Variants in PLEKHM3 observed in about 807,000 individuals in gnomAD.
PLEKHM3 encodes pleckstrin homology domain containing M3, also known as pleckstrin homology domain-containing family M member 3.
In PLEKHM3, 45 loss-of-function variants were observed where a neutral mutation model predicts 81.8. The observed-to-expected ratio is 0.55, with a 90% CI of 0.43 to 0.71. PLEKHM3 has a LOEUF of 0.71. Ranked by LOEUF, PLEKHM3 falls within the 30% of genes least tolerant of loss-of-function variation. The pLI, the probability that PLEKHM3 is intolerant of heterozygous loss-of-function variation, is 0.00. For synonymous variants in PLEKHM3, 352 were observed against 356.4 expected, an observed-to-expected ratio of 0.99 and a Z score of 0.14; for missense variants, 788 against 924.3, an observed-to-expected ratio of 0.85 and a Z score of 1.91.
At chr2:207,836,486 G>C (rs2092320338) in intron 7 of PLEKHM3, among the ~76,000 whole-genome samples, 1 of 152,160 alleles carries the variant, frequency 6.6e-6, no homozygotes, top group Non-Finnish European at 1.5e-5. Context: ...TCTTATTGTA[G>C]TTATTGAAAC....
At chr2:207,930,014 C>T in intron 5 of PLEKHM3, 1 of 654,066 alleles carries the variant, frequency 1.5e-6, no homozygotes, top group East Asian at 2.8e-5. Context: ...CAAGTATAAG[C>T]TAGTTTGTAT....
At chr2:207,835,044 G>T (rs546276674) in intron 7 of PLEKHM3, among the ~76,000 whole-genome samples, 16 of 151,426 alleles carry the variant, frequency 1.1e-4, no homozygotes, top group African/African-American at 3.4e-4. Flanking sequence ...GGTTTCGAGT[G>T]ATTCTCTTGC....
intron 3 of PLEKHM3, among the ~76,000 whole-genome samples, chr2:207,951,801 AGTT>A (rs1439851907): frequency 6.6e-6 from 1 of 152,220 alleles, no homozygotes; most frequent in African/African-American, 2.4e-5. Context: ...AACTGGCTGC[AGTT>A]GTTGTTACTG....
intron 7 of PLEKHM3, among the ~76,000 whole-genome samples, chr2:207,858,634 C>G (rs1048522933): frequency 6.6e-6 from 1 of 151,992 alleles, no homozygotes; most frequent in African/African-American, 2.4e-5. Flanking sequence ...GAATTTGCCA[C>G]CACGTCCAGC....
intron 4 of PLEKHM3, among the ~76,000 whole-genome samples, chr2:207,934,268 T>C (rs911354837): frequency 6.6e-6 from 1 of 152,048 alleles, no homozygotes; most frequent in Non-Finnish European, 1.5e-5. Context: ...AACCAAACTA[T>C]GAAAAACCTA....
At chr2:207,949,241 A>G (rs1690249450) in intron 3 of PLEKHM3, among the ~76,000 whole-genome samples, 1 of 152,222 alleles carries the variant, frequency 6.6e-6, no homozygotes. Flanking sequence ...TATATTACCC[A>G]TGTTCACATA....
rs1340756341 is a variant in PLEKHM3, at chr2:207,985,720, C to G, written c.611-8134G>C. Among the ~76,000 whole-genome samples, 4 of 152,188 alleles carry G rather than the reference C, an allele frequency of 2.6e-5. No individual in the cohort carries two copies. In the South Asian group the frequency reaches 6.2e-4, roughly 24 times the overall value. ...CATGTTCTGGCCGGGTGCGGTGTGG[C>G]TCATGCCTGTAATCCCACCACTTTG... On this transcript the variant is annotated intron_variant, in intron 2 of 7. Transcript: ENST00000427836.
At chr2:207,997,244 A>G (rs747601171) in intron 2 of PLEKHM3, among the ~76,000 whole-genome samples, 11 of 152,108 alleles carry the variant, frequency 7.2e-5, no homozygotes, top group Non-Finnish European at 1.5e-4. Context: ...CCGGAGCCCA[A>G]TTTTGCTTTA....
At chr2:207,984,479 C>T (rs948925718) in intron 2 of PLEKHM3, among the ~76,000 whole-genome samples, 9 of 152,050 alleles carry the variant, frequency 5.9e-5, no homozygotes, top group African/African-American at 1.4e-4. Flanking sequence ...CTCCCAGGTT[C>T]AAGCAATTCT....
intron 3 of PLEKHM3, among the ~76,000 whole-genome samples, chr2:207,948,077 G>A (rs1690195222): frequency 6.6e-6 from 1 of 151,796 alleles, no homozygotes. Flanking sequence ...TTACTATTGA[G>A]CAGCAAAAAA....
intron 4 of PLEKHM3, among the ~76,000 whole-genome samples, chr2:207,934,322 TAGTC>T (rs1308913476): frequency 6.6e-6 from 1 of 152,148 alleles, no homozygotes; most frequent in South Asian, 2.1e-4. Flanking sequence ...ATTCAGCTGA[TAGTC>T]AGGTGCAGAT....
intron 4 of PLEKHM3, among the ~76,000 whole-genome samples, chr2:207,936,148 G>A (rs948882627): frequency 6.6e-6 from 1 of 152,066 alleles, no homozygotes; most frequent in Admixed American, 6.6e-5. Flanking sequence ...CACAAGGCCT[G>A]GTTAATTTTT....
At chr2:208,017,733 C>T (rs558035759) in intron 1 of PLEKHM3, among the ~76,000 whole-genome samples, 2 of 152,180 alleles carry the variant, frequency 1.3e-5, no homozygotes, top group South Asian at 4.2e-4. Context: ...CTGATTCTGC[C>T]CCAGCTGAAA....
At chr2:207,942,342 T>C (rs1689968410) in intron 4 of PLEKHM3, among the ~76,000 whole-genome samples, 1 of 151,864 alleles carries the variant, frequency 6.6e-6, no homozygotes, top group South Asian at 2.1e-4. Flanking sequence ...ACCCTGACTC[T>C]TTTACAAAAA....
chr2:207,833,857 G>A (rs934240715), intron 7 of PLEKHM3, among the ~76,000 whole-genome samples: 2 of 152,178 alleles, frequency 1.3e-5, no homozygotes, highest in Admixed American at 6.5e-5. Context: ...GCTGGCTTAC[G>A]TTCTTACCAA....
intron 5 of PLEKHM3, among the ~76,000 whole-genome samples, chr2:207,920,955 C>T (rs1331207727): frequency 6.6e-6 from 1 of 152,152 alleles, no homozygotes; most frequent in Non-Finnish European, 1.5e-5. Flanking sequence ...TCAAGGGACA[C>T]CACTGTCTGC....
chr2:208,001,223 C>T lies in PLEKHM3; in HGVS notation c.417G>A (p.Glu139=), dbSNP rs773169473. The T allele has an allele frequency of 2.7e-5, 43 of 1,613,996 alleles. No homozygotes were observed. The South Asian group carries it at 4.2e-4, about 16-fold the overall frequency. ...CATGCCCTGGCTTGAAAGTTGAGGT[C>T]TCATCCAGTAAGTCATTTACAGAAC... is the stretch of plus-strand genomic sequence containing the variant. The part of the protein sequence containing the change: ...RPRSVNDLLD[E]TSTFKPGHAR... Residue 139 remains glutamate, a synonymous_variant, in exon 2 of 8, where the codon GAG becomes GAA. Coordinates refer to ENST00000427836, the MANE Select transcript of PLEKHM3 (RefSeq NM_001080475.3).
intron 3 of PLEKHM3, among the ~76,000 whole-genome samples, chr2:207,961,219 A>G (rs1010501822): frequency 4.6e-5 from 7 of 152,184 alleles, no homozygotes; most frequent in Admixed American, 2.0e-4. Context: ...TCTGGGGCTC[A>G]AGAAAAACAT....
chr2:207,861,325 G>A, intron 6 of PLEKHM3, 63 bp from the exon 7 acceptor site: 1 of 1,463,250 alleles, frequency 6.8e-7, no homozygotes, highest in South Asian at 1.3e-5. Context: ...TGTACACACA[G>A]GAAAGGAAAG....
Sources: gnomAD v4.1 joint callset for allele counts (sites outside exome capture counted in the v4.1 genomes callset) on GRCh38, gnomAD v4.1.1 for gene constraint, MANE v1.5 for transcripts, NCBI Gene and HGNC (gene_info 2026-07-23, HGNC 2026-07-21) for gene names.